The following CREBL2 variants were observed in gnomAD, a reference collection of about 807,000 sequenced individuals.
CREBL2 encodes the protein cAMP responsive element binding protein like 2.
CREBL2 carries 4 observed loss-of-function variants against 19.5 expected under a neutral mutation model. The observed-to-expected ratio is 0.20, with a 90% CI of 0.10 to 0.47. The LOEUF (loss-of-function observed/expected upper bound fraction) is 0.47, where lower values mean the gene tolerates loss of function less well. Ranked by LOEUF, CREBL2 falls within the 20% of genes least tolerant of loss-of-function variation. The pLI is 0.98. For missense variants in CREBL2, 85 were observed against 145.1 expected, an observed-to-expected ratio of 0.59 and a Z score of 2.13; for synonymous variants, 42 against 46.6, an observed-to-expected ratio of 0.90 and a Z score of 0.40.
intron 1 of CREBL2, chr12:12,615,820 T>C (rs1003318583): frequency 6.6e-6 from 1 of 152,300 alleles, no homozygotes; most frequent in African/African-American, 2.4e-5. Flanking sequence ...TAGGTTTCCA[T>C]GTATGTGGCC....
chr12:12,616,304 G>C (rs1281841903), intron 1 of CREBL2, among the ~76,000 whole-genome samples: 3 of 152,176 alleles, frequency 2.0e-5, no homozygotes, highest in African/African-American at 4.8e-5. Flanking sequence ...GGTGAAGGAA[G>C]GTTCAAAATG....
At chr12:12,619,156 A>G (rs903959468) in intron 1 of CREBL2, among the ~76,000 whole-genome samples, 1 of 152,162 alleles carries the variant, frequency 6.6e-6, no homozygotes, top group Non-Finnish European at 1.5e-5. Flanking sequence ...TAACACCTAC[A>G]CTACCCTTTG....
intron 1 of CREBL2, among the ~76,000 whole-genome samples, chr12:12,627,967 A>C (rs997688436): frequency 6.6e-6 from 1 of 151,488 alleles, no homozygotes; most frequent in African/African-American, 2.4e-5. Context: ...GCAACCTCCA[A>C]CTCCCGGGTT....
intron 1 of CREBL2, chr12:12,614,335 C>G (rs1288008111): frequency 6.6e-6 from 1 of 152,568 alleles, no homozygotes; most frequent in Non-Finnish European, 1.5e-5. Flanking sequence ...AACGTTTTTA[C>G]ACCTTTTGTC....
chr12:12,612,220 T>G (rs1283791881), intron 1 of CREBL2, 33 bp downstream of exon 1: 2 of 1,613,360 alleles, frequency 1.2e-6, no homozygotes, highest in African/African-American at 2.7e-5. Flanking sequence ...GCCGCCGCCT[T>G]CTTGTCGCTC....
chr12:12,621,412 G>T (rs1945358673), intron 1 of CREBL2, among the ~76,000 whole-genome samples: 2 of 151,960 alleles, frequency 1.3e-5, no homozygotes, highest in South Asian at 4.1e-4. Context: ...CAGCTACTCG[G>T]GAGGCTGAGG....
intron 1 of CREBL2, among the ~76,000 whole-genome samples, chr12:12,627,122 C>G (rs765529215): frequency 1.4e-4 from 22 of 152,118 alleles, no homozygotes; most frequent in East Asian, 1.9e-4. Flanking sequence ...TACTGCTTAT[C>G]AAAATTCATA....
rs138331275 is a variant in CREBL2 at position 12,623,049 on chromosome 12, G to A, written c.15+10862G>A. Among the ~76,000 whole-genome samples the A allele has an allele frequency of 1.4e-3, 209 of 149,378 alleles. 1 individual carries two copies. The highest frequency in any genetic ancestry group is 4.9e-3 in the African/African-American group (200 of 40,642). On this transcript the variant is annotated intron_variant, in intron 1 of 3. Transcript: ENST00000228865. ...GGTGATAAAAGAAGAGTTCTTAATT[G>A]CTTTTCAGATTTTACATCCCTGAGA...
At chr12:12,631,752 C>T (rs1239343466) in intron 1 of CREBL2, among the ~76,000 whole-genome samples, 1 of 152,166 alleles carries the variant, frequency 6.6e-6, no homozygotes, top group Non-Finnish European at 1.5e-5. Context: ...GTAGTTAAGG[C>T]AACTGGTACT....
rs1945528365 is a variant in CREBL2 at position 12,642,239 on chromosome 12, A to G, written c.*241A>G. On this transcript the variant is annotated 3_prime_UTR_variant, in exon 4 of 4. Coordinates refer to ENST00000228865, the MANE Select transcript of CREBL2 (RefSeq NM_001310.4). ...CTGGGTTGGTATTGCCACCCATGAC[A>G]TTTAACATGTTGTGATGCTTGAAAA... 2.7e-6 allele frequency: 1 copy of G among 364,082 alleles called. No homozygotes were observed. Among genetic ancestry groups the G allele is most frequent in the Non-Finnish European group, 5.0e-6 (1 of 201,866 alleles). The allele number at this position is 364,082 out of a possible 1,614,324, so 22.6% of individuals were successfully genotyped here.
chr12:12,639,587 G>C (rs1046467886), intron 3 of CREBL2, among the ~76,000 whole-genome samples: 4 of 152,178 alleles, frequency 2.6e-5, no homozygotes, highest in Non-Finnish European at 5.9e-5. Flanking sequence ...CCATTCGTAT[G>C]TATTCTTTGG....
At chr12:12,612,800 T>G (rs1190032619) in intron 1 of CREBL2, among the ~76,000 whole-genome samples, 2 of 152,226 alleles carry the variant, frequency 1.3e-5, no homozygotes, top group African/African-American at 4.8e-5. Flanking sequence ...ATCACTTACT[T>G]TATGATTATA....
In CREBL2 at chr12:12,611,951, G is replaced by T; in HGVS notation, c.-222G>T. On this transcript the variant is annotated 5_prime_UTR_variant, in exon 1 of 4. Transcript: ENST00000228865. ...AGGGGGAGGAGGAGGCGGCGGCGGC[G>T]AAGGGAGGCGTTTGGGGCCGCCTCC... The T allele has an allele frequency of 1.7e-6, 1 of 584,438 alleles. No homozygotes were observed. The highest frequency in any genetic ancestry group is 3.0e-5 in the East Asian group (1 of 33,522). The allele number at this position is 584,438 out of a possible 1,614,324, so 36.2% of individuals were successfully genotyped here. A position where few individuals can be genotyped will look rare whatever the true frequency, so the allele number is the denominator to read the frequency against.
intron 1 of CREBL2, 148 bp from the exon 2 acceptor site, chr12:12,635,629 A>G (rs1051360825): frequency 3.4e-5 from 27 of 784,016 alleles, no homozygotes; most frequent in Non-Finnish European, 4.8e-5. Context: ...AAGACCCAGA[A>G]GGCATTTGAT....
chr12:12,635,380 A>G (rs1172086642), intron 1 of CREBL2, among the ~76,000 whole-genome samples: 1 of 151,972 alleles, frequency 6.6e-6, no homozygotes, highest in Non-Finnish European at 1.5e-5. Context: ...AAAAAAAAAA[A>G]AAAAAAATTG....
chr12:12,637,388 T>C (rs887274849), intron 2 of CREBL2, among the ~76,000 whole-genome samples, 182 bp from the exon 3 acceptor site: 25 of 152,252 alleles, frequency 1.6e-4, no homozygotes, highest in Non-Finnish European at 3.1e-4. Flanking sequence ...ATCTCGTACA[T>C]GTCCTCAGTT....
intron 3 of CREBL2, among the ~76,000 whole-genome samples, chr12:12,641,247 A>ATTTTT (rs1380373401): frequency 0.018 from 398 of 21,832 alleles, 11 homozygotes; most frequent in East Asian, 0.042. Flanking sequence ...TATTATTATT[A>ATTTTT]TTATTATTTT....
chr12:12,633,416 CAA>C (rs1945454655), intron 1 of CREBL2, among the ~76,000 whole-genome samples: 1 of 151,998 alleles, frequency 6.6e-6, no homozygotes, highest in South Asian at 2.1e-4. Flanking sequence ...GCCTGGGCGA[CAA>C]GAGTAAGACT....
chr12:12,638,485 A>G (rs1448909493), intron 3 of CREBL2, among the ~76,000 whole-genome samples: 1 of 152,154 alleles, frequency 6.6e-6, no homozygotes, highest in Non-Finnish European at 1.5e-5. Context: ...ATTAAAATGC[A>G]TTTTACATGG....
Sources: allele counts gnomAD v4.1 joint callset (sites outside exome capture counted in the v4.1 genomes callset), GRCh38; gene constraint gnomAD v4.1.1; transcripts MANE v1.5; gene names NCBI Gene and HGNC (gene_info 2026-07-23, HGNC 2026-07-21).